ASPRV1: variants seen among roughly 807,000 people sequenced by gnomAD.
The protein encoded by ASPRV1 is retroviral-like aspartic protease 1.
Under a neutral mutation model 11.0 loss-of-function variants are expected in ASPRV1, and 7 were observed. The observed-to-expected ratio is 0.64, with a 90% CI of 0.36 to 1.20. ASPRV1 has a LOEUF of 1.20. Among genes scored for constraint, ASPRV1 ranks in the 50% most tolerant of loss-of-function variants. The probability of loss-of-function intolerance (pLI) is 0.02; values close to 1 mark genes in which losing one functional copy is unlikely to be tolerated. For missense variants in ASPRV1, 299 were observed against 320.0 expected (o/e 0.93, Z 0.50); for synonymous variants, 136 against 138.4 (o/e 0.98, Z 0.12).
chr2:70,038,933 G>C, the ASPRV1 span, among the ~76,000 whole-genome samples: 2 of 152,070 alleles, frequency 1.3e-5, no homozygotes, highest in African/African-American at 4.8e-5. Flanking sequence ...ACAAAAATTA[G>C]CCAGGCATAG....
At chr2:70,032,788 G>C in the ASPRV1 span, among the ~76,000 whole-genome samples, 1 of 152,166 alleles carries the variant, frequency 6.6e-6, no homozygotes, top group African/African-American at 2.4e-5. Flanking sequence ...TGAGGAGGCT[G>C]CAGCTCTCCG....
At chr2:70,017,220 T>C in the ASPRV1 span, among the ~76,000 whole-genome samples, 7 of 152,202 alleles carry the variant, frequency 4.6e-5, no homozygotes, top group Admixed American at 4.6e-4. Context: ...CTCCATCTCC[T>C]GATCTTGTGA....
upstream of ASPRV1, chr2:69,964,737 A>G (rs1419307386): frequency 6.5e-6 from 1 of 154,038 alleles, no homozygotes; most frequent in Non-Finnish European, 1.4e-5. Context: ...GCAGGACAAT[A>G]AACAGGAAGG....
chr2:70,079,074 G>A, the ASPRV1 span, among the ~76,000 whole-genome samples: 1 of 152,180 alleles, frequency 6.6e-6, no homozygotes, highest in African/African-American at 2.4e-5. Context: ...ACTCTGAAAT[G>A]GGGAGGACCT....
the ASPRV1 span, among the ~76,000 whole-genome samples, chr2:69,989,911 G>A: frequency 3.3e-5 from 5 of 152,392 alleles, no homozygotes; most frequent in South Asian, 1.0e-3. Flanking sequence ...CGGTGATGAT[G>A]ATGATGGTGA....
At chr2:70,019,277 A>C in the ASPRV1 span, 1 of 152,186 alleles carries the variant, frequency 6.6e-6, no homozygotes, top group African/African-American at 2.4e-5. Context: ...ATTGGCAAGG[A>C]TGTTGAGAAA....
At chr2:69,997,224 G>C in the ASPRV1 span, among the ~76,000 whole-genome samples, 1 of 149,856 alleles carries the variant, frequency 6.7e-6, no homozygotes, top group Non-Finnish European at 1.5e-5. Context: ...GGCCTTTGCA[G>C]AGGAGGATGC....
At chr2:70,079,251 C>T in the ASPRV1 span, among the ~76,000 whole-genome samples, 4 of 152,080 alleles carry the variant, frequency 2.6e-5, no homozygotes, top group African/African-American at 4.8e-5. Flanking sequence ...CAGGGAATAA[C>T]GGCATTTAAA....
chr2:69,974,453 A>C, the ASPRV1 span, among the ~76,000 whole-genome samples: 13 of 152,180 alleles, frequency 8.5e-5, no homozygotes, highest in Admixed American at 6.5e-4. Flanking sequence ...ATTTTTCATA[A>C]TAGCTGGGTT....
chr2:70,004,249 A>T, the ASPRV1 span, among the ~76,000 whole-genome samples: 2 of 152,074 alleles, frequency 1.3e-5, no homozygotes, highest in Non-Finnish European at 2.9e-5. Flanking sequence ...GAGGTGGGGT[A>T]AGCCAGGCGC....
At chr2:69,969,841 T>C in the ASPRV1 span, among the ~76,000 whole-genome samples, 2 of 151,826 alleles carry the variant, frequency 1.3e-5, no homozygotes, top group Non-Finnish European at 2.9e-5. Context: ...CAGCTCCAGT[T>C]CCACCTTAGA....
chr2:70,040,331 A>G, the ASPRV1 span, among the ~76,000 whole-genome samples: 1 of 152,174 alleles, frequency 6.6e-6, no homozygotes, highest in Non-Finnish European at 1.5e-5. Context: ...CTGTGATCAC[A>G]CCACCGCACT....
chr2:70,084,249 A>G, the ASPRV1 span, among the ~76,000 whole-genome samples: 1 of 152,262 alleles, frequency 6.6e-6, no homozygotes, highest in Admixed American at 6.5e-5. Context: ...AGTTAGATTT[A>G]AAAGACCAGA....
chr2:69,954,588 C>T, the ASPRV1 span, among the ~76,000 whole-genome samples: 1 of 152,162 alleles, frequency 6.6e-6, no homozygotes, highest in African/African-American at 2.4e-5. Flanking sequence ...CCATGCTGGC[C>T]CCCGTCTTCT....
At chr2:69,963,255 G>C (rs1335298867), upstream of ASPRV1, 1 of 456,148 alleles carries the variant, frequency 2.2e-6, no homozygotes, top group Non-Finnish European at 4.4e-6. Context: ...CAGGAGCCCA[G>C]AGGAGGGGAA....
the ASPRV1 span, among the ~76,000 whole-genome samples, chr2:69,987,012 G>A: frequency 6.6e-6 from 1 of 152,244 alleles, no homozygotes; most frequent in Non-Finnish European, 1.5e-5. Flanking sequence ...TGCAGAGGAT[G>A]TGCACCTTCC....
the ASPRV1 span, among the ~76,000 whole-genome samples, chr2:69,989,410 G>A: frequency 6.6e-6 from 1 of 152,254 alleles, no homozygotes; most frequent in East Asian, 1.9e-4. Context: ...CACAGCACAG[G>A]ACAGTGCTTG....
chr2:69,949,492 T>C, the ASPRV1 span, among the ~76,000 whole-genome samples: 1 of 152,106 alleles, frequency 6.6e-6, no homozygotes, highest in South Asian at 2.1e-4. Flanking sequence ...ATACCCGGGT[T>C]TTGGAAAAAT....
chr2:69,996,687 A>C, the ASPRV1 span: 1 of 456,686 alleles, frequency 2.2e-6, no homozygotes, highest in South Asian at 1.5e-5. Flanking sequence ...AGTTCTTACC[A>C]AATAGTAACT....
Sources: gnomAD v4.1 joint callset for allele counts (sites outside exome capture counted in the v4.1 genomes callset) on GRCh38, gnomAD v4.1.1 for gene constraint, MANE v1.5 for transcripts, NCBI Gene and HGNC (gene_info 2026-07-23, HGNC 2026-07-21) for gene names.